The following DMD variants were observed in gnomAD, a reference collection of about 807,000 sequenced individuals.
DMD encodes the protein dystrophin, also known as mutant dystrophin.
A neutral mutation model predicts 330.1 loss-of-function variants in DMD; 63 were observed. That is an observed-to-expected ratio of 0.19 (90% CI 0.16 to 0.24). The LOEUF is 0.24. Ranked by LOEUF, DMD falls within the 10% of genes least tolerant of loss-of-function variation. DMD has a pLI of 1.00. For missense variants in DMD, 3,344 were observed against 2,684.1 expected (o/e 1.25, Z -5.43); for synonymous variants, 1,223 against 959.8 (o/e 1.27, Z -5.07).
At chrX:31,832,908 A>C (rs2149478193) in intron 49 of DMD, among the ~76,000 whole-genome samples, 1 of 112,045 alleles carries the variant, frequency 8.9e-6, no homozygotes, top group Admixed American at 9.5e-5. Flanking sequence ...GAATACAAGA[A>C]AATGGCACCT....
At chrX:32,244,678 T>C (rs1228035771) in intron 43 of DMD, among the ~76,000 whole-genome samples, 2 of 93,574 alleles carry the variant, frequency 2.1e-5, no homozygotes, top group Admixed American at 1.3e-4. Flanking sequence ...TGATATCTCA[T>C]AGTGGTTTTG....
chrX:32,733,752 A>T (rs1391439754), intron 7 of DMD, among the ~76,000 whole-genome samples: 1 of 108,136 alleles, frequency 9.2e-6, no homozygotes, highest in African/African-American at 3.4e-5. Context: ...TCTCTGGGAC[A>T]CATTCAAAGC....
chrX:32,406,424 C>G (rs1224253619), intron 30 of DMD, among the ~76,000 whole-genome samples: 1 of 110,185 alleles, frequency 9.1e-6, no homozygotes, highest in Non-Finnish European at 1.9e-5. Context: ...TGAGATTTGT[C>G]CCATCAATAC....
At chrX:32,219,839 C>A (rs1192101367) in intron 43 of DMD, among the ~76,000 whole-genome samples, 2 of 111,968 alleles carry the variant, frequency 1.8e-5, no homozygotes, top group Non-Finnish European at 3.8e-5. Context: ...CGATTTCAAA[C>A]CTGTTGCACA....
chrX:31,179,706 G>C (rs1426205056), intron 69 of DMD, among the ~76,000 whole-genome samples: 1 of 111,534 alleles, frequency 9.0e-6, no homozygotes, highest in East Asian at 2.8e-4. Flanking sequence ...CATTTCCCTA[G>C]TGATTTTTCA....
At chrX:31,689,953 A>T (rs949589346) in intron 52 of DMD, among the ~76,000 whole-genome samples, 2 of 111,729 alleles carry the variant, frequency 1.8e-5, no homozygotes, top group Non-Finnish European at 3.8e-5. Flanking sequence ...TCCTTATACC[A>T]TATACAAAAA....
At chrX:33,008,984 A>T (rs1270452786) in intron 2 of DMD, among the ~76,000 whole-genome samples, 6 of 99,673 alleles carry the variant, frequency 6.0e-5, no homozygotes, top group African/African-American at 2.2e-4. Flanking sequence ...ACACTTATGT[A>T]TATATACGTG....
At chrX:32,711,378 T>TATG (rs2147783825) in intron 7 of DMD, among the ~76,000 whole-genome samples, 1 of 110,920 alleles carries the variant, frequency 9.0e-6, no homozygotes, top group South Asian at 3.9e-4. Flanking sequence ...CTATGGAGCC[T>TATG]GACTCCTTAT....
chrX:31,457,587 G>C (rs1757074910), intron 59 of DMD, among the ~76,000 whole-genome samples: 1 of 111,904 alleles, frequency 8.9e-6, no homozygotes, highest in Admixed American at 9.5e-5. Flanking sequence ...GCAGGACAAA[G>C]TATAATATTG....
chrX:32,071,554 T>C (rs377107882), intron 44 of DMD, among the ~76,000 whole-genome samples: 1,289 of 104,918 alleles, frequency 0.012, 8 homozygotes, highest in South Asian at 0.032. Flanking sequence ...ATATACCTAA[T>C]GCTAAATGAC....
In DMD at chrX:32,343,201, T is replaced by A. The variant is rs769324102; in HGVS notation, c.5672A>T (p.Lys1891Ile). The change falls in exon 40 of 79, where the codon AAA becomes ATA. Residue 1891 changes from lysine to isoleucine, a missense_variant. Transcript: ENST00000357033. ...TTTTTTTTCAATGTCATCCAAGCAT[T>A]TCAGGAGATCATCAGCCTGCCTCTT... is the stretch of plus-strand genomic sequence containing the variant. The part of the protein sequence containing the change: ...QYKRQADDLL[K>I]CLDDIEKKLA... 8 of 1,208,106 alleles carry A rather than the reference T, an allele frequency of 6.6e-6. No individual in the cohort carries two copies. The South Asian group carries it at 1.4e-4, about 21-fold the overall frequency.
intron 58 of DMD, 108 bp downstream of exon 58, chrX:31,478,875 C>A: frequency 2.3e-6 from 2 of 863,628 alleles, no homozygotes; most frequent in Non-Finnish European, 3.3e-6. Context: ...TTCTATTTAA[C>A]CAAGAAAATA....
intron 41 of DMD, among the ~76,000 whole-genome samples, chrX:32,333,984 C>T (rs1421374558): frequency 9.0e-6 from 1 of 111,002 alleles, no homozygotes; most frequent in Non-Finnish European, 1.9e-5. Flanking sequence ...AATTTCCACG[C>T]ATTTGAAGTG....
chrX:31,488,231 G>A (rs2146967702), intron 57 of DMD, among the ~76,000 whole-genome samples: 1 of 112,087 alleles, frequency 8.9e-6, no homozygotes, highest in East Asian at 2.8e-4. Flanking sequence ...AGAGATCACT[G>A]GTGAAAACTC....
At chrX:32,439,626 G>A (rs376291773) in intron 28 of DMD, among the ~76,000 whole-genome samples, 1 of 111,436 alleles carries the variant, frequency 9.0e-6, no homozygotes. Context: ...AATATCTTGA[G>A]TTGCAAGAAA....
At chrX:31,908,426 G>A (rs2094504685) in intron 47 of DMD, among the ~76,000 whole-genome samples, 1 of 110,931 alleles carries the variant, frequency 9.0e-6, no homozygotes, top group Non-Finnish European at 1.9e-5. Context: ...AAGGGACATG[G>A]ATGAAGCTGG....
intron 47 of DMD, among the ~76,000 whole-genome samples, chrX:31,897,996 C>T (rs1466889216): frequency 4.5e-5 from 5 of 110,769 alleles, no homozygotes; most frequent in Non-Finnish European, 9.4e-5. Flanking sequence ...GAAGTCCTTG[C>T]CCATGCCTAT....
intron 9 of DMD, among the ~76,000 whole-genome samples, chrX:32,696,657 A>G (rs1268784439): frequency 9.0e-6 from 1 of 111,435 alleles, no homozygotes; most frequent in Non-Finnish European, 1.9e-5. Flanking sequence ...GAAAACCTAG[A>G]AAAGGCAGCT....
rs371298482 is a variant in DMD, at chrX:32,612,014, G to A, written c.1482+2289C>T. Among the ~76,000 whole-genome samples, 4 of 108,776 alleles carry A rather than the reference G, an allele frequency of 3.7e-5. No homozygotes were observed. The East Asian group carries it at 8.7e-4, about 24-fold the overall frequency. The allele number at this position is 108,776 out of a possible 115,157, so 94.5% of individuals were successfully genotyped here. ...CTTCTAGTGGGAGAAGTTTGTCTTG[G>A]GTTAGATTCCTCCAAAAACACATCC... On this transcript the variant is annotated intron_variant, in intron 12 of 78. Coordinates refer to ENST00000357033, the MANE Select transcript of DMD (RefSeq NM_004006.3).
Sources: allele counts gnomAD v4.1 joint callset (sites outside exome capture counted in the v4.1 genomes callset), GRCh38; gene constraint gnomAD v4.1.1; transcripts MANE v1.5; gene names NCBI Gene and HGNC (gene_info 2026-07-23, HGNC 2026-07-21).